Variants in PCNX2 observed in about 807,000 individuals in gnomAD.
The protein encoded by PCNX2 is pecanex-like protein 2.
A neutral mutation model predicts 223.8 loss-of-function variants in PCNX2; 168 were observed. The ratio of observed to expected loss-of-function variants is 0.75; its 90% CI spans 0.66 to 0.85. PCNX2 has a LOEUF of 0.85. PCNX2 is among the 40% of genes least tolerant of loss of function. The pLI is 0.00. For missense variants in PCNX2, 2,507 were observed against 2,675.5 expected (o/e 0.94, Z 1.39); for synonymous variants, 1,006 against 1,052.6 (o/e 0.96, Z 0.86).
chr1:233,009,551 T>C (rs954132794), intron 28 of PCNX2, among the ~76,000 whole-genome samples: 1 of 152,256 alleles, frequency 6.6e-6, no homozygotes, highest in Admixed American at 6.5e-5. Context: ...AATAGTTCTC[T>C]GCTCGGAGGC....
chr1:233,016,880 A>G (rs1419466301), intron 27 of PCNX2, 41 bp downstream of exon 27: 1 of 1,581,074 alleles, frequency 6.3e-7, no homozygotes, highest in African/African-American at 1.3e-5. Flanking sequence ...TTATTTATTA[A>G]ACTTACATTC....
intron 10 of PCNX2, among the ~76,000 whole-genome samples, chr1:233,220,703 C>A (rs954741046): frequency 1.3e-5 from 2 of 151,910 alleles, no homozygotes; most frequent in Non-Finnish European, 2.9e-5. Context: ...AAAATATTTT[C>A]TTCCATTCTG....
At chr1:233,270,980 G>A (rs74914752) in intron 1 of PCNX2, among the ~76,000 whole-genome samples, 1,560 of 152,304 alleles carry the variant, frequency 0.01, 15 homozygotes, top group Non-Finnish European at 0.015. Flanking sequence ...TTCTGATAGA[G>A]AATATTGAAT....
At chr1:233,135,922 A>G (rs941042305) in intron 20 of PCNX2, among the ~76,000 whole-genome samples, 1 of 152,060 alleles carries the variant, frequency 6.6e-6, no homozygotes, top group African/African-American at 2.4e-5. Flanking sequence ...CCCTTCTAGG[A>G]TTTTGCTTTG....
chr1:233,100,724 G>T (rs894178642), intron 21 of PCNX2, among the ~76,000 whole-genome samples: 1 of 152,070 alleles, frequency 6.6e-6, no homozygotes, highest in African/African-American at 2.4e-5. Flanking sequence ...GAAATAACTG[G>T]CTACTTACAG....
intron 23 of PCNX2, among the ~76,000 whole-genome samples, chr1:233,087,436 G>C (rs1011034712): frequency 6.6e-6 from 1 of 152,126 alleles, no homozygotes; most frequent in Admixed American, 6.5e-5. Context: ...AATTAAACAG[G>C]ATAAATGACG....
chr1:233,017,517 C>T lies in PCNX2; in HGVS notation c.4606-363G>A, dbSNP rs541087586. Among the ~76,000 whole-genome samples the T allele has an allele frequency of 7.2e-5, 11 of 152,072 alleles. No individual in the cohort carries two copies. In the South Asian group the frequency reaches 1.7e-3, roughly 23 times the overall value. ...TATTTTAGTGGAGACGGGGTTTCAC[C>T]ATGTTAGCCAGGATGGTCTCGATCT... is the stretch of plus-strand genomic sequence containing the variant. On this transcript the variant is annotated intron_variant, in intron 26 of 33. Transcript: ENST00000258229.
chr1:233,284,691 A>G (rs1047575186), intron 1 of PCNX2, among the ~76,000 whole-genome samples: 1 of 152,208 alleles, frequency 6.6e-6, no homozygotes, highest in Non-Finnish European at 1.5e-5. Context: ...TGTCATAGAC[A>G]TAAGTGCTCT....
chr1:233,243,888 G>C (rs931193276), intron 8 of PCNX2, among the ~76,000 whole-genome samples: 7 of 152,008 alleles, frequency 4.6e-5, no homozygotes, highest in African/African-American at 1.5e-4. Context: ...CTGGAGTGCA[G>C]TGACGTGATC....
chr1:233,150,470 A>G (rs1401728557), intron 19 of PCNX2, among the ~76,000 whole-genome samples: 1 of 152,222 alleles, frequency 6.6e-6, no homozygotes, highest in Non-Finnish European at 1.5e-5. Context: ...AACGTGAGAG[A>G]ATCAGAATAT....
At chr1:233,308,055 A>C in the PCNX2 span, among the ~76,000 whole-genome samples, 1 of 152,260 alleles carries the variant, frequency 6.6e-6, no homozygotes, top group South Asian at 2.1e-4. Context: ...GAGTCCATAT[A>C]GTATAAAGAC....
At position 232,984,314 on chromosome 1, in the gene PCNX2, T is replaced by A. The variant is rs1180904716; in HGVS notation, c.6404A>T (p.Asp2135Val). The A allele has an allele frequency of 6.2e-7, 1 of 1,607,308 alleles. No individual in the cohort carries two copies. The highest frequency in any genetic ancestry group is 1.1e-5 in the South Asian group (1 of 90,246). Reference sequence around the variant, plus strand: ...CCGGCCGCACGCCCGTCACTGCTCGTCTGACACACTTTGCTGCGAGGCCGT... The same window carrying A: ...CCGGCCGCACGCCCGTCACTGCTCGACTGACACACTTTGCTGCGAGGCCGT... ...DDTASQQSVS[D>V]EQ Residue 2135 changes from aspartate to valine, a missense_variant, in exon 34 of 34, where the codon GAC becomes GTC. By Grantham distance (152) the Asp-to-Val change is radical. This residue lies in a region of PCNX2 where 1,372 missense variants were observed against 1,509.4 expected (regional missense o/e 0.91). Transcript: ENST00000258229.
chr1:233,203,599 G>C (rs1364763915), intron 13 of PCNX2, among the ~76,000 whole-genome samples: 3 of 151,946 alleles, frequency 2.0e-5, no homozygotes, highest in Non-Finnish European at 2.9e-5. Context: ...TTCTTCCTTT[G>C]AGATGTTTCT....
chr1:233,280,887 A>G (rs1558421907), intron 1 of PCNX2, among the ~76,000 whole-genome samples: 1 of 152,218 alleles, frequency 6.6e-6, no homozygotes, highest in Non-Finnish European at 1.5e-5. Context: ...TATTTTTACA[A>G]AGATTAAGGA....
At chr1:233,208,259 C>T (rs778545874) in intron 13 of PCNX2, among the ~76,000 whole-genome samples, 11 of 152,124 alleles carry the variant, frequency 7.2e-5, no homozygotes, top group Non-Finnish European at 1.3e-4. Flanking sequence ...GTGCCCAGCC[C>T]GGATGGGCAT....
At position 233,218,202 on chromosome 1, in the gene PCNX2, A is replaced by C; in HGVS notation, c.2505-18T>G. 4 of 1,196,600 alleles carry C rather than the reference A, an allele frequency of 3.3e-6. No homozygotes were observed. Among genetic ancestry groups the C allele is most frequent in the South Asian group, 3.6e-5 (2 of 55,730 alleles). The allele number at this position is 1,196,600 out of a possible 1,614,324, so 74.1% of individuals were successfully genotyped here. A position where few individuals can be genotyped will look rare whatever the true frequency, so the allele number is the denominator to read the frequency against. ...CTTCAGTTCTGTGCAAAATATATAC[A>C]TAAAAGCAAAAAAAAAAAAAAAAAA... On this transcript the variant is annotated intron_variant, in intron 10 of 33. Transcript: ENST00000258229.
intron 25 of PCNX2, among the ~76,000 whole-genome samples, chr1:233,052,175 GA>G (rs939187399): frequency 6.6e-6 from 1 of 151,910 alleles, no homozygotes; most frequent in Non-Finnish European, 1.5e-5. Context: ...TACCACTCTA[GA>G]AAAAAAATAT....
chr1:233,012,011 A>G (rs1289389409), intron 28 of PCNX2, among the ~76,000 whole-genome samples: 1 of 152,038 alleles, frequency 6.6e-6, no homozygotes, highest in Non-Finnish European at 1.5e-5. Context: ...TTCTGACACC[A>G]TCTCTGGTTA....
rs967716916 is a variant in PCNX2 at position 233,259,328 on chromosome 1, T to C, written c.534A>G (p.Glu178=). Residue 178 remains glutamate (E), a synonymous_variant, in exon 5 of 34, where the codon GAA becomes GAG. Coordinates refer to ENST00000258229, the MANE Select transcript of PCNX2 (RefSeq NM_014801.4). ...ATGACACTGGTGCTATGGGATGGTC[T>C]TCTAATAGAATGACACCTGAAATGA... ...VEDLKGVILL[E]DHPIAPVSST... 5.0e-6 allele frequency: 8 copies of C among 1,611,138 alleles called. No homozygotes were observed. In the African/African-American group the frequency reaches 9.4e-5, roughly 19 times the overall value.
Sources: gnomAD v4.1 joint callset for allele counts (sites outside exome capture counted in the v4.1 genomes callset) on GRCh38, gnomAD v4.1.1 for gene constraint, gnomAD v4.1.1 regional missense constraint, MANE v1.5 for transcripts, NCBI Gene and HGNC (gene_info 2026-07-23, HGNC 2026-07-21) for gene names.